The following FGL1 variants were observed in gnomAD, a reference collection of about 807,000 sequenced individuals.
FGL1 encodes the protein fibrinogen like 1.
FGL1 carries 59 observed loss-of-function variants against 43.7 expected under a neutral mutation model. That is an observed-to-expected ratio of 1.35 (90% CI 1.10 to 1.68). FGL1 has a LOEUF of 1.68. Among genes scored for constraint, FGL1 ranks in the 40% most tolerant of loss-of-function variants. The pLI, the probability that FGL1 is intolerant of heterozygous loss-of-function variation, is 0.00. For synonymous variants in FGL1, 192 were observed against 126.5 expected (o/e 1.52, Z -3.48); for missense variants, 596 against 373.0 (o/e 1.60, Z -4.92).
At chr8:17,882,952 AAT>A (rs1326505255) in intron 2 of FGL1, among the ~76,000 whole-genome samples, 3 of 98,682 alleles carry the variant, frequency 3.0e-5, no homozygotes, top group African/African-American at 1.1e-4. Flanking sequence ...AATAATATAT[AAT>A]ATATATCATA....
intron 5 of FGL1, among the ~76,000 whole-genome samples, chr8:17,869,242 C>A (rs1331959536): frequency 6.6e-6 from 1 of 151,992 alleles, no homozygotes; most frequent in African/African-American, 2.4e-5. Context: ...TACTAGATCT[C>A]TTAGAGGTAA....
At chr8:17,886,033 C>G (rs1011550591) in intron 1 of FGL1, among the ~76,000 whole-genome samples, 1 of 152,152 alleles carries the variant, frequency 6.6e-6, no homozygotes, top group Non-Finnish European at 1.5e-5. Flanking sequence ...GGATTACAGG[C>G]GTGAGCCACT....
At chr8:17,873,830 C>CT (rs935257371) in intron 5 of FGL1, among the ~76,000 whole-genome samples, 189 bp downstream of exon 5, 3 of 151,106 alleles carry the variant, frequency 2.0e-5, no homozygotes, top group Non-Finnish European at 2.9e-5. Flanking sequence ...CCAATTCTAG[C>CT]TTTTTTTTCT....
rs2131694630 is a variant in FGL1, at chr8:17,868,662, T to A, written c.665A>T (p.Glu222Val). 6.2e-7 allele frequency: 1 copy of A among 1,614,082 alleles called. No individual in the cohort carries two copies. Among genetic ancestry groups the A allele is most frequent in the East Asian group, 2.2e-5 (1 of 44,860 alleles). ...GDSLAGNFHP[E>V]VQWWASHQRM... ...TTGGTGACTAGCCCACCACTGCACC[T>A]CAGGATGAAAATTCCCCGCAAGGGA... Residue 222 changes from glutamate to valine, a missense_variant, in exon 7 of 8, where the codon GAG becomes GTG. Coordinates refer to ENST00000427924, the MANE Select transcript of FGL1 (RefSeq NM_004467.4).
chr8:17,893,216 A>AAAC (rs1199200437), intron 1 of FGL1, among the ~76,000 whole-genome samples: 2 of 152,114 alleles, frequency 1.3e-5, no homozygotes, highest in East Asian at 1.9e-4. Flanking sequence ...ACAAACAAAC[A>AAAC]AACAACAACA....
chr8:17,884,197 C>G (rs1275889756), intron 2 of FGL1, among the ~76,000 whole-genome samples: 2 of 150,160 alleles, frequency 1.3e-5, no homozygotes, highest in African/African-American at 4.9e-5. Flanking sequence ...TTCTCTCTCT[C>G]TCTCTCTTTC....
At chr8:17,867,307 T>C (rs1028573579) in intron 7 of FGL1, among the ~76,000 whole-genome samples, 2 of 152,006 alleles carry the variant, frequency 1.3e-5, no homozygotes, top group Admixed American at 6.6e-5. Flanking sequence ...ATGATATAGA[T>C]TCAAAAGAAC....
chr8:17,865,793 G>A (rs1180714686), intron 7 of FGL1, among the ~76,000 whole-genome samples: 9 of 152,172 alleles, frequency 5.9e-5, no homozygotes, highest in Non-Finnish European at 1.2e-4. Flanking sequence ...ACAAGAGGTA[G>A]TTCTGAACAT....
intron 1 of FGL1, among the ~76,000 whole-genome samples, chr8:17,886,441 C>T (rs1005119250): frequency 6.4e-5 from 9 of 139,610 alleles, no homozygotes; most frequent in African/African-American, 2.4e-4. Flanking sequence ...TGTGCAATGT[C>T]AGCAAGTTGG....
chr8:17,875,524 T>C (rs773949343), intron 3 of FGL1, among the ~76,000 whole-genome samples: 121 of 10,952 alleles, frequency 0.011, 1 homozygote, highest in African/African-American at 0.022. Flanking sequence ...TCTTTCTTTC[T>C]TTCTTTCTTT....
chr8:17,893,951 A>T (rs1259049563), intron 1 of FGL1, among the ~76,000 whole-genome samples: 1 of 147,126 alleles, frequency 6.8e-6, no homozygotes, highest in South Asian at 2.1e-4. Context: ...ACTTTTAATT[A>T]TTATAAAATT....
chr8:17,885,510 T>C lies in FGL1; in HGVS notation c.45A>G (p.Thr15=). 1.2e-6 allele frequency: 2 copies of C among 1,613,240 alleles called. No individual in the cohort carries two copies. Among genetic ancestry groups the C allele is most frequent in the Non-Finnish European group, 1.7e-6 (2 of 1,179,432 alleles). ...FSFILVTTAL[T]MGREISALED... ...AGCTTACCGAAATTTCCCTGCCCAT[T>C]GTCAGAGCGGTGGTAACAAGGATGA... is the stretch of plus-strand genomic sequence containing the variant. Residue 15 remains threonine (T), a synonymous_variant, in exon 2 of 8, where the codon ACA becomes ACG. Transcript: ENST00000427924.
chr8:17,870,959 G>GCAACAGAAGAGGACA (rs3831580), intron 5 of FGL1, among the ~76,000 whole-genome samples: 2 of 151,526 alleles, frequency 1.3e-5, no homozygotes, highest in Middle Eastern at 3.4e-3. Flanking sequence ...GCACACACCA[G>GCAACAGAAGAGGACA]GACGAGAACA....
chr8:17,869,046 A>C (rs770083259), intron 5 of FGL1, 42 bp from the exon 6 acceptor site: 5 of 1,273,198 alleles, frequency 3.9e-6, no homozygotes, highest in Non-Finnish European at 4.5e-6. Context: ...AAAATGTGTG[A>C]CATGACACGG....
chr8:17,886,322 A>T (rs1459603216), intron 1 of FGL1, among the ~76,000 whole-genome samples: 1 of 152,240 alleles, frequency 6.6e-6, no homozygotes, highest in South Asian at 2.1e-4. Flanking sequence ...TTGATTGAAC[A>T]CATGAATTTA....
chr8:17,870,266 G>A (rs1241442415), intron 5 of FGL1, among the ~76,000 whole-genome samples: 2 of 152,070 alleles, frequency 1.3e-5, no homozygotes, highest in African/African-American at 2.4e-5. Flanking sequence ...AGAGCATTAT[G>A]TTTTTAAAAT....
At position 17,864,577 on chromosome 8, in the gene FGL1, G is replaced by A. The variant is rs549843047; in HGVS notation, c.*15C>T. On this transcript the variant is annotated 3_prime_UTR_variant, in exon 8 of 8. Coordinates refer to ENST00000427924, the MANE Select transcript of FGL1 (RefSeq NM_004467.4). ...ACAAAGCTGAATTGCAGAAACGAAA[G>A]CCCAACAGCAGCAATTAAATTACAT... 3 of 1,597,370 alleles carry A rather than the reference G, an allele frequency of 1.9e-6. No homozygotes were observed. The highest frequency in any genetic ancestry group is 1.7e-6 in the Non-Finnish European group (2 of 1,174,526).
intron 3 of FGL1, among the ~76,000 whole-genome samples, chr8:17,881,404 G>C (rs1488100247): frequency 6.6e-6 from 1 of 151,494 alleles, no homozygotes; most frequent in Non-Finnish European, 1.5e-5. Flanking sequence ...CAACGTGCTG[G>C]GATTACAGGC....
chr8:17,872,934 G>A (rs1323805234), intron 5 of FGL1, among the ~76,000 whole-genome samples: 7 of 152,044 alleles, frequency 4.6e-5, no homozygotes, highest in Admixed American at 2.6e-4. Context: ...ATGGGCAAAC[G>A]GATAGATACG....
Sources: gnomAD v4.1 joint callset for allele counts (sites outside exome capture counted in the v4.1 genomes callset) on GRCh38, gnomAD v4.1.1 for gene constraint, MANE v1.5 for transcripts, NCBI Gene and HGNC (gene_info 2026-07-23, HGNC 2026-07-21) for gene names.